Variants in MSI2 observed in about 807,000 individuals in gnomAD.
MSI2 encodes musashi RNA binding protein 2.
MSI2 carries 17 observed loss-of-function variants against 45.6 expected under a neutral mutation model. That is an observed-to-expected ratio of 0.37 (90% CI 0.26 to 0.56). The LOEUF (loss-of-function observed/expected upper bound fraction) is 0.56. Among genes scored for constraint, MSI2 ranks in the 20% least tolerant of loss-of-function variants. The probability of loss-of-function intolerance (pLI) is 0.77; values close to 1 mark genes in which losing one functional copy is unlikely to be tolerated. For missense variants in MSI2, 293 were observed against 444.2 expected (o/e 0.66, Z 3.06); for synonymous variants, 156 against 158.2 (o/e 0.99, Z 0.11).
chr17:57,263,180 GA>G (rs78663024), intron 5 of MSI2, among the ~76,000 whole-genome samples: 9,303 of 152,222 alleles, frequency 0.061, 510 homozygotes, highest in African/African-American at 0.14. Context: ...CATTAGTATA[GA>G]AAAAGTTGGT....
intron 5 of MSI2, among the ~76,000 whole-genome samples, chr17:57,399,883 A>G (rs993914703): frequency 2.6e-5 from 4 of 152,206 alleles, no homozygotes; most frequent in African/African-American, 9.6e-5. Context: ...ACAGCCTGCC[A>G]GTAACCACTG....
intron 7 of MSI2, among the ~76,000 whole-genome samples, chr17:57,585,602 T>C (rs1252473257): frequency 6.6e-6 from 1 of 152,184 alleles, no homozygotes; most frequent in Non-Finnish European, 1.5e-5. Flanking sequence ...CCTCTTAGCT[T>C]GTGTGTTGCT....
the MSI2 span, among the ~76,000 whole-genome samples, chr17:57,697,543 G>T: frequency 6.6e-6 from 1 of 151,988 alleles, no homozygotes; most frequent in Non-Finnish European, 1.5e-5. Context: ...CCATCATTCA[G>T]TCACTCGGTG....
At chr17:57,333,193 G>C (rs1009370883) in intron 5 of MSI2, among the ~76,000 whole-genome samples, 1 of 152,044 alleles carries the variant, frequency 6.6e-6, no homozygotes, top group Non-Finnish European at 1.5e-5. Flanking sequence ...TCCTCATAGC[G>C]TTGCTGTGAG....
At chr17:57,256,982 C>T (rs1232429127) in intron 1 of MSI2, 116 bp from the exon 2 acceptor site, 24 of 1,564,316 alleles carry the variant, frequency 1.5e-5, no homozygotes, top group South Asian at 2.3e-5. Flanking sequence ...CCCCACCCCA[C>T]CTCCCGGCTC....
chr17:57,450,276 AAAGAAAGAAAG>A (rs2084980599), intron 6 of MSI2: 1 of 96,280 alleles, frequency 1.0e-5, no homozygotes, highest in Non-Finnish European at 2.3e-5. Context: ...AGAAAGAAAG[AAAGAAAGAAAG>A]AAAGAAAGAA....
chr17:57,667,037 C>G (rs1423618624), intron 11 of MSI2, among the ~76,000 whole-genome samples: 1 of 152,110 alleles, frequency 6.6e-6, no homozygotes. Flanking sequence ...CCTGGGAGGG[C>G]TGGATGAGGA....
At chr17:57,626,641 A>G (rs1377771703) in intron 9 of MSI2, 1 of 154,066 alleles carries the variant, frequency 6.5e-6, no homozygotes, top group Non-Finnish European at 1.4e-5. Context: ...TGTGGTATGC[A>G]TCTTAACACA....
At chr17:57,689,395 G>T (rs994924308), downstream of MSI2, among the ~76,000 whole-genome samples, 12 of 152,168 alleles carry the variant, frequency 7.9e-5, no homozygotes, top group Admixed American at 7.9e-4. Context: ...TGCCAAAAGA[G>T]TCCTGTGGTC....
chr17:57,623,449 C>G (rs2144591435), intron 9 of MSI2, among the ~76,000 whole-genome samples: 1 of 152,294 alleles, frequency 6.6e-6, no homozygotes, highest in East Asian at 1.9e-4. Context: ...GTTTTGACAA[C>G]TTTGTCAGCA....
At chr17:57,450,254 TTAAAGAAAGAAAGAAAGAAAGAAAGAAA>T (rs1202416723) in intron 6 of MSI2, 6 of 98,754 alleles carry the variant, frequency 6.1e-5, no homozygotes, top group Non-Finnish European at 7.6e-5. Context: ...ATTCCCCAGC[TTAAAGAAAGAAAGAAAGAAAGAAAGAAA>T]GAAAGAAAGA....
chr17:57,367,934 G>A (rs1234635062), intron 5 of MSI2, among the ~76,000 whole-genome samples: 2 of 152,108 alleles, frequency 1.3e-5, no homozygotes, highest in Admixed American at 6.5e-5. Flanking sequence ...GGAGCCACAG[G>A]TGGTTTTGTA....
Position 57,670,999 on chromosome 17 carries a change from C to G in MSI2, c.791-3973C>G, listed in dbSNP as rs1243934603. ...AAGGCACCTGACTGTAAGAGCAGAG[C>G]TGGGGTCACAGTCAGGTCTTCTGCC... On this transcript the variant is annotated intron_variant, in intron 11 of 13. Coordinates refer to ENST00000284073, the MANE Select transcript of MSI2 (RefSeq NM_138962.4). Among the ~76,000 whole-genome samples, 4 of 152,090 alleles carry G rather than the reference C, an allele frequency of 2.6e-5. No individual in the cohort carries two copies. The East Asian group carries it at 7.7e-4, about 29-fold the overall frequency.
chr17:57,645,710 G>A (rs1334625629), intron 10 of MSI2, among the ~76,000 whole-genome samples: 1 of 152,034 alleles, frequency 6.6e-6, no homozygotes, highest in East Asian at 1.9e-4. Flanking sequence ...CCAAAGGCAT[G>A]AGACACCACA....
intron 6 of MSI2, among the ~76,000 whole-genome samples, chr17:57,506,541 C>T (rs896219065): frequency 2.0e-5 from 3 of 152,132 alleles, no homozygotes; most frequent in Non-Finnish European, 2.9e-5. Context: ...TCCCTGGGAA[C>T]GTTCGCAGTC....
intron 6 of MSI2, among the ~76,000 whole-genome samples, chr17:57,479,477 G>A (rs1176209920): frequency 1.3e-5 from 2 of 152,156 alleles, no homozygotes; most frequent in African/African-American, 2.4e-5. Context: ...CAACCCTGCT[G>A]TGGGTAAAAC....
At chr17:57,335,270 C>T (rs769572287) in intron 5 of MSI2, among the ~76,000 whole-genome samples, 12 of 152,228 alleles carry the variant, frequency 7.9e-5, no homozygotes, top group Admixed American at 1.3e-4. Flanking sequence ...AGCAGCTGTG[C>T]GATGTGCTAG....
intron 6 of MSI2, chr17:57,522,550 C>CA (rs766664953): frequency 6.6e-6 from 1 of 152,208 alleles, no homozygotes; most frequent in Non-Finnish European, 1.5e-5. Context: ...AGAGAGTTTG[C>CA]AAAAGCCCAG....
At chr17:57,394,514 G>A (rs1288608887) in intron 5 of MSI2, among the ~76,000 whole-genome samples, 1 of 152,214 alleles carries the variant, frequency 6.6e-6, no homozygotes, top group Admixed American at 6.5e-5. Flanking sequence ...TTTCCATAGG[G>A]GAAAAGTATA....
Sources: gnomAD v4.1 joint callset for allele counts (sites outside exome capture counted in the v4.1 genomes callset) on GRCh38, gnomAD v4.1.1 for gene constraint, MANE v1.5 for transcripts, NCBI Gene and HGNC (gene_info 2026-07-23, HGNC 2026-07-21) for gene names.